The following KATNAL2 variants were observed in gnomAD, a reference collection of about 807,000 sequenced individuals.
The protein encoded by KATNAL2 is katanin p60 ATPase-containing subunit A-like 2.
KATNAL2 carries 52 observed loss-of-function variants against 76.3 expected under a neutral mutation model. That is an observed-to-expected ratio of 0.68 (90% CI 0.55 to 0.86). The LOEUF (loss-of-function observed/expected upper bound fraction) is 0.86, where lower values mean the gene tolerates loss of function less well. Among genes scored for constraint, KATNAL2 ranks in the 40% least tolerant of loss-of-function variants. The pLI is 0.00. For synonymous variants in KATNAL2, 243 were observed against 244.2 expected (o/e 1.00, Z 0.05); for missense variants, 660 against 668.9 (o/e 0.99, Z 0.15).
At chr18:47,036,093 A>G (rs1290401878) in intron 3 of KATNAL2, among the ~76,000 whole-genome samples, 1 of 152,210 alleles carries the variant, frequency 6.6e-6, no homozygotes, top group Non-Finnish European at 1.5e-5. Context: ...ACTATTTCCA[A>G]GAAATCTTTT....
intron 3 of KATNAL2, among the ~76,000 whole-genome samples, chr18:46,954,904 C>T (rs761803777): frequency 9.9e-5 from 15 of 151,558 alleles, no homozygotes; most frequent in Non-Finnish European, 1.9e-4. Context: ...CCACCTGCCT[C>T]GGCCTCCCAA....
At chr18:46,932,121 C>T (rs955700126) in intron 1 of KATNAL2, among the ~76,000 whole-genome samples, 17 of 151,930 alleles carry the variant, frequency 1.1e-4, no homozygotes, top group Non-Finnish European at 2.4e-4. Context: ...CTGTGTTAGC[C>T]AGGATGGTCT....
At chr18:46,962,156 A>G (rs1237701696) in intron 3 of KATNAL2, among the ~76,000 whole-genome samples, 1 of 136,278 alleles carries the variant, frequency 7.3e-6, no homozygotes, top group African/African-American at 3.3e-5. Flanking sequence ...CCGTGCCACC[A>G]CGCCGGGCTC....
intron 1 of KATNAL2, among the ~76,000 whole-genome samples, chr18:46,924,052 T>C (rs1450414244): frequency 6.6e-6 from 1 of 152,172 alleles, no homozygotes; most frequent in African/African-American, 2.4e-5. Flanking sequence ...GCTAGTTTCT[T>C]TCACTGTGCA....
In KATNAL2 at chr18:47,033,831, C is replaced by T. The variant is rs149165530; in HGVS notation, c.52-12626C>T. Reference sequence around the variant, plus strand: ...CCTGGGAGGTCATGGAGTCAGAATCCGAAAGCGGATCGTAGTTGGCCTGCA... The same window carrying T: ...CCTGGGAGGTCATGGAGTCAGAATCTGAAAGCGGATCGTAGTTGGCCTGCA... On this transcript the variant is annotated intron_variant, in intron 3 of 17. Coordinates refer to ENST00000683218, the MANE Select transcript of KATNAL2 (RefSeq NM_001387690.1). 1.6e-4 allele frequency: 256 copies of T among 1,614,080 alleles called. 1 individual carries two copies. In the African/African-American group the frequency reaches 2.1e-3, roughly 13 times the overall value.
At chr18:47,081,707 T>C (rs1011057200) in intron 15 of KATNAL2, among the ~76,000 whole-genome samples, 4 of 152,220 alleles carry the variant, frequency 2.6e-5, no homozygotes, top group Non-Finnish European at 5.9e-5. Context: ...TTTCTTAGTC[T>C]TCCCCTACTG....
intron 13 of KATNAL2, among the ~76,000 whole-genome samples, chr18:47,073,195 T>C (rs2062067947): frequency 1.3e-5 from 2 of 152,178 alleles, no homozygotes; most frequent in Admixed American, 6.5e-5. Context: ...TAAACATTTG[T>C]CAATCTAATA....
intron 15 of KATNAL2, among the ~76,000 whole-genome samples, chr18:47,094,329 T>C (rs981682918): frequency 1.3e-5 from 2 of 152,218 alleles, no homozygotes; most frequent in Admixed American, 1.3e-4. Flanking sequence ...ATTTTGTTAA[T>C]AGCAGTTCAA....
At position 47,100,952 on chromosome 18, in the gene KATNAL2, A is replaced by G. The variant is rs2038594268; in HGVS notation, c.1564A>G (p.Lys522Glu). Residue 522 changes from lysine (K) to glutamate (E), a missense_variant, in exon 18 of 18, where the codon AAG becomes GAG. Lys to Glu is a moderately conservative substitution (Grantham distance 56, BLOSUM62 1). Coordinates refer to ENST00000683218, the MANE Select transcript of KATNAL2 (RefSeq NM_001387690.1). The stretch of plus-strand genomic sequence containing the variant: ...GCTAACTCACACCAAGCCCTCCGCA[A>G]AGAATCTGGCTCAGAGATACTCAGA... ...DVLTHTKPSA[K>E]NLAQRYSDWQ... 1.9e-6 allele frequency: 3 copies of G among 1,614,046 alleles called. No individual in the cohort carries two copies. The highest frequency in any genetic ancestry group is 2.5e-6 in the Non-Finnish European group (3 of 1,180,038).
rs2059383906 is a variant in KATNAL2, at chr18:46,946,495, C to A, written c.-71C>A. On this transcript the variant is annotated 5_prime_UTR_variant, in exon 2 of 18. Coordinates refer to ENST00000683218, the MANE Select transcript of KATNAL2 (RefSeq NM_001387690.1). ...CAAAATATAGTCTTGGGTATAGAAG[C>A]ATTGGGTCGCAAAGACCTGAACAAC... 2 of 985,320 alleles carry A rather than the reference C, an allele frequency of 2.0e-6. No individual in the cohort carries two copies. The highest frequency in any genetic ancestry group is 1.1e-4 in the East Asian group (1 of 8,832). The allele number at this position is 985,320 out of a possible 1,614,324, so 61.0% of individuals were successfully genotyped here. A position where few individuals can be genotyped will look rare whatever the true frequency, so the allele number is the denominator to read the frequency against.
intron 1 of KATNAL2, among the ~76,000 whole-genome samples, chr18:46,934,267 G>T (rs533439324): frequency 2.3e-4 from 35 of 152,324 alleles, no homozygotes; most frequent in Admixed American, 3.3e-4. Context: ...CCCACCAACA[G>T]TGTCAAAGTG....
chr18:47,066,528 A>G (rs1335494686), intron 10 of KATNAL2, among the ~76,000 whole-genome samples: 3 of 152,200 alleles, frequency 2.0e-5, no homozygotes, highest in Admixed American at 2.0e-4. Flanking sequence ...GAGGAGCATT[A>G]TCTCCTTTAT....
At chr18:47,051,136 G>A (rs1405705630) in intron 4 of KATNAL2, among the ~76,000 whole-genome samples, 1 of 152,154 alleles carries the variant, frequency 6.6e-6, no homozygotes, top group East Asian at 1.9e-4. Flanking sequence ...CTGTCGCTCT[G>A]TTGGTTAAGA....
rs146881768 is a variant in KATNAL2 at position 46,961,790 on chromosome 18, TG to T, written c.51+14869del. Among the ~76,000 whole-genome samples, 1,027 of 152,214 alleles carry T rather than the reference TG, an allele frequency of 6.7e-3. 12 individuals carry two copies. Among genetic ancestry groups the T allele is most frequent in the African/African-American group, 0.023 (961 of 41,512 alleles). On this transcript the variant is annotated intron_variant, in intron 3 of 17. Transcript: ENST00000683218. ...TCCAAGGCCAGTCTATTTTGATAAA[TG>T]GCATTTTTGATTTGGGCTTTCTGCT...
chr18:46,968,816 CCGCCGCTCACGCTGCCGCCGT>C, intron 3 of KATNAL2: 1 of 412,696 alleles, frequency 2.4e-6, no homozygotes, highest in Non-Finnish European at 4.0e-6. Flanking sequence ...GCTGCTGCCG[CCGCCGCTCACGCTGCCGCCGT>C]CGCCGTCCCC....
At chr18:47,070,761 C>A (rs757842909) in intron 13 of KATNAL2, among the ~76,000 whole-genome samples, 12 of 152,230 alleles carry the variant, frequency 7.9e-5, no homozygotes, top group South Asian at 4.2e-4. Flanking sequence ...AACCTATTAT[C>A]TATTACCTTG....
chr18:46,926,532 G>A (rs1412605614), intron 1 of KATNAL2, among the ~76,000 whole-genome samples: 1 of 152,134 alleles, frequency 6.6e-6, no homozygotes, highest in African/African-American at 2.4e-5. Context: ...GAGTAGGTGT[G>A]GTGTGGTGCT....
At chr18:47,038,056 G>C (rs1426857619) in intron 3 of KATNAL2, among the ~76,000 whole-genome samples, 1 of 152,056 alleles carries the variant, frequency 6.6e-6, no homozygotes. Flanking sequence ...CCCCATTATA[G>C]ACATCGACTC....
chr18:46,946,587 A>G, intron 2 of KATNAL2, 41 bp downstream of exon 2: 1 of 984,560 alleles, frequency 1.0e-6, no homozygotes, highest in Non-Finnish European at 1.2e-6. Flanking sequence ...GAAACGAATT[A>G]AGAAAACCAA....
Sources: allele counts gnomAD v4.1 joint callset (sites outside exome capture counted in the v4.1 genomes callset), GRCh38; gene constraint gnomAD v4.1.1; transcripts MANE v1.5; gene names NCBI Gene and HGNC (gene_info 2026-07-23, HGNC 2026-07-21).